GAB1: variants seen among roughly 807,000 people sequenced by gnomAD.
GAB1 encodes GRB2 associated binding protein 1.
A neutral mutation model predicts 66.5 loss-of-function variants in GAB1; 19 were observed. That is an observed-to-expected ratio of 0.29 (90% CI 0.20 to 0.42). The LOEUF (loss-of-function observed/expected upper bound fraction) is 0.42. GAB1 is among the 10% of genes least tolerant of loss of function. The pLI is 1.00. For missense variants in GAB1, 732 were observed against 858.5 expected (o/e 0.85, Z 1.84); for synonymous variants, 294 against 301.4 (o/e 0.98, Z 0.25).
rs140862798 is a variant in GAB1, at chr4:143,434,718, A to G, written c.593+1002A>G. Among the ~76,000 whole-genome samples, 22 of 152,212 alleles carry G rather than the reference A, an allele frequency of 1.4e-4. No individual in the cohort carries two copies. The East Asian group carries it at 3.5e-3, about 24-fold the overall frequency. On this transcript the variant is annotated intron_variant, in intron 3 of 9. Transcript: ENST00000262994. ...CAGCACTTGACTGAAGGAATGAATC[A>G]TCAAGCCTGTCCCAAATTCTTGGTT... is the stretch of plus-strand genomic sequence containing the variant.
rs12510386 is a variant in GAB1 at position 143,469,800 on chromosome 4, A to T, written c.*611A>T. 6.6e-6 allele frequency: 1 copy of T among 152,644 alleles called. No individual in the cohort carries two copies. The highest frequency in any genetic ancestry group is 2.4e-5 in the African/African-American group (1 of 41,436). The allele number at this position is 152,644 out of a possible 1,614,324, so 9.5% of individuals were successfully genotyped here. A position where few individuals can be genotyped will look rare whatever the true frequency, so the allele number is the denominator to read the frequency against. ...TGTACATTTAGTTTTTAATGGTGGA[A>T]CTTTGTTATATTTTGTTAATTACAG... On this transcript the variant is annotated 3_prime_UTR_variant, in exon 10 of 10. Coordinates refer to ENST00000262994, the MANE Select transcript of GAB1 (RefSeq NM_002039.4).
At chr4:143,418,276 G>A (rs549258023) in intron 2 of GAB1, among the ~76,000 whole-genome samples, 4 of 152,234 alleles carry the variant, frequency 2.6e-5, no homozygotes, top group Non-Finnish European at 5.9e-5. Context: ...TTTTCGTGAA[G>A]TTACTAAACG....
At chr4:143,353,553 C>T (rs1729312090) in intron 1 of GAB1, among the ~76,000 whole-genome samples, 1 of 151,504 alleles carries the variant, frequency 6.6e-6, no homozygotes, top group East Asian at 1.9e-4. Context: ...ACTTGATTTC[C>T]AGCTACCTAC....
At chr4:143,344,305 C>A (rs141546819) in intron 1 of GAB1, among the ~76,000 whole-genome samples, 49 of 152,230 alleles carry the variant, frequency 3.2e-4, no homozygotes, top group African/African-American at 7.5e-4. Context: ...CACATGAAAC[C>A]CCCTCTCCCT....
intron 3 of GAB1, among the ~76,000 whole-genome samples, chr4:143,437,123 G>A (rs1006034775): frequency 6.6e-6 from 1 of 152,096 alleles, no homozygotes; most frequent in African/African-American, 2.4e-5. Flanking sequence ...ATGTTACTAA[G>A]AAGTCAGGGA....
Position 143,413,824 on chromosome 4 carries a change from C to CCTTTTTTTTTTTTTTTTTTTTTTTTT in GAB1, c.73-1653_73-1652insCTTTTTTTTTTTTTTTTTTTTTTTTT, listed in dbSNP as rs61697817. Reference sequence around the variant, plus strand: ...AGAGCATCCCCACCACCCCGCTGCCCTTTTTTTTTTTTTTTTTTTTTTTTG... The same window carrying CCTTTTTTTTTTTTTTTTTTTTTTTTT: ...AGAGCATCCCCACCACCCCGCTGCCCCTTTTTTTTTTTTTTTTTTTTTTTTTTTTTTTTTTTTTTTTTTTTTTTTTG... On this transcript the variant is annotated intron_variant, in intron 1 of 9. Coordinates refer to ENST00000262994, the MANE Select transcript of GAB1 (RefSeq NM_002039.4). 4.4e-5 allele frequency among the ~76,000 whole-genome samples: 3 copies of CCTTTTTTTTTTTTTTTTTTTTTTTTT among 67,832 alleles called. 1 individual carries two copies. Among genetic ancestry groups the CCTTTTTTTTTTTTTTTTTTTTTTTTT allele is most frequent in the African/African-American group, 2.8e-4 (3 of 10,602 alleles). 44.5% of individuals were successfully genotyped at this position (67,832 alleles called of 152,430 possible).
At chr4:143,430,210 A>G (rs1733579586) in intron 2 of GAB1, among the ~76,000 whole-genome samples, 1 of 152,210 alleles carries the variant, frequency 6.6e-6, no homozygotes, top group Admixed American at 6.5e-5. Flanking sequence ...GGATCAAAAC[A>G]AGACAATTGT....
intron 6 of GAB1, among the ~76,000 whole-genome samples, chr4:143,457,063 G>A (rs1735228031): frequency 6.6e-6 from 1 of 152,220 alleles, no homozygotes; most frequent in African/African-American, 2.4e-5. Context: ...GGCAACCAGT[G>A]AGTATCCAGA....
At chr4:143,357,865 CAT>C (rs28989211) in intron 1 of GAB1, among the ~76,000 whole-genome samples, 141 of 148,770 alleles carry the variant, frequency 9.5e-4, no homozygotes, top group African/African-American at 2.6e-3. Flanking sequence ...AGTTTTAAAT[CAT>C]ATATATATAT....
chr4:143,414,598 A>C (rs1732580621), intron 1 of GAB1, among the ~76,000 whole-genome samples: 1 of 152,168 alleles, frequency 6.6e-6, no homozygotes, highest in South Asian at 2.1e-4. Context: ...AGAGAGACAC[A>C]ATCAATTGCT....
chr4:143,424,822 G>A, intron 2 of GAB1: 1 of 346,416 alleles, frequency 2.9e-6, no homozygotes. Context: ...GGGCGTGGTG[G>A]CGTGTGCCTG....
intron 1 of GAB1, among the ~76,000 whole-genome samples, chr4:143,364,128 C>T (rs1007462370): frequency 3.4e-5 from 5 of 148,534 alleles, no homozygotes; most frequent in East Asian, 2.0e-4. Context: ...TCAGAGGTTG[C>T]GGTGAGCTGA....
intron 1 of GAB1, chr4:143,381,995 C>G (rs929801460): frequency 6.6e-6 from 1 of 152,226 alleles, no homozygotes; most frequent in Non-Finnish European, 1.5e-5. Flanking sequence ...GTCAGAGGTA[C>G]AGAGAAGCTG....
rs140313875 is a variant in GAB1 at position 143,449,858 on chromosome 4, A to G, written c.1585+9476A>G. 5.6e-3 allele frequency among the ~76,000 whole-genome samples: 849 copies of G among 150,790 alleles called. 10 individuals are homozygous for G. Among genetic ancestry groups the G allele is most frequent in the African/African-American group, 0.019 (795 of 41,052 alleles). The stretch of plus-strand genomic sequence containing the variant: ...ATGATGTTAGCTGGTTATTTTGCTC[A>G]TTAGTTGATGCAGTTTCTTCCTAGT... On this transcript the variant is annotated intron_variant, in intron 6 of 9. Coordinates refer to ENST00000262994, the MANE Select transcript of GAB1 (RefSeq NM_002039.4).
At chr4:143,411,263 TTTAAG>T (rs1406069703) in intron 1 of GAB1, among the ~76,000 whole-genome samples, 4 of 152,160 alleles carry the variant, frequency 2.6e-5, no homozygotes, top group African/African-American at 4.8e-5. Context: ...ATTTGGTACT[TTTAAG>T]TTACCCCAAA....
rs1462955114 is a variant in GAB1 at position 143,466,116 on chromosome 4, G to T, written c.1817G>T (p.Ser606Ile). Reference sequence around the variant, plus strand: ...TAATACTTTCAGAATCTCTTTGGCAGTAACAGTCTTGATGGAGGAAGCAGC... The same window carrying T: ...TAATACTTTCAGAATCTCTTTGGCATTAACAGTCTTGATGGAGGAAGCAGC... ...LSSEDPNLFG[S>I]NSLDGGSSPM... is the part of the protein sequence containing the mutation. The change falls in exon 9 of 10, where the codon AGT (serine) becomes ATT (isoleucine). Residue 606 changes from serine to isoleucine, a missense_variant. By Grantham distance (142) the Ser-to-Ile change is moderately radical. Coordinates refer to ENST00000262994, the MANE Select transcript of GAB1 (RefSeq NM_002039.4). 1 of 1,613,492 alleles carries T rather than the reference G, an allele frequency of 6.2e-7. No individual in the cohort carries two copies. Among genetic ancestry groups the T allele is most frequent in the Non-Finnish European group, 8.5e-7 (1 of 1,179,684 alleles).
intron 1 of GAB1, among the ~76,000 whole-genome samples, chr4:143,359,249 A>AC (rs1368014125): frequency 1.3e-5 from 2 of 152,044 alleles, no homozygotes; most frequent in African/African-American, 4.8e-5. Context: ...TCAGATGATG[A>AC]CCCCCTCATC....
chr4:143,361,545 A>G (rs909536467), intron 1 of GAB1, among the ~76,000 whole-genome samples: 2 of 152,226 alleles, frequency 1.3e-5, no homozygotes, highest in African/African-American at 2.4e-5. Flanking sequence ...AGGTAGCCAC[A>G]GTTTCTCTGG....
intron 1 of GAB1, among the ~76,000 whole-genome samples, chr4:143,350,678 C>CAAAAAAAAA (rs34098103): frequency 1.1e-5 from 1 of 88,518 alleles, no homozygotes; most frequent in African/African-American, 4.6e-5. Flanking sequence ...AACTCCGTCT[C>CAAAAAAAAA]AAAAAAAAAA....
Sources: gnomAD v4.1 joint callset for allele counts (sites outside exome capture counted in the v4.1 genomes callset) on GRCh38, gnomAD v4.1.1 for gene constraint, MANE v1.5 for transcripts, NCBI Gene and HGNC (gene_info 2026-07-23, HGNC 2026-07-21) for gene names.